Variants in PDE4B observed in about 807,000 individuals in gnomAD.
PDE4B encodes the protein phosphodiesterase 4B.
PDE4B carries 20 observed loss-of-function variants against 82.2 expected under a neutral mutation model. That is an observed-to-expected ratio of 0.24 (90% CI 0.17 to 0.35). The LOEUF is 0.35. Among genes scored for constraint, PDE4B ranks in the 10% least tolerant of loss-of-function variants. PDE4B has a pLI of 1.00. For missense variants in PDE4B, 655 were observed against 907.2 expected, an observed-to-expected ratio of 0.72 and a Z score of 3.57; for synonymous variants, 320 against 318.9, an observed-to-expected ratio of 1.00 and a Z score of -0.04.
At chr1:66,008,331 C>A (rs911002270) in intron 3 of PDE4B, among the ~76,000 whole-genome samples, 3 of 152,104 alleles carry the variant, frequency 2.0e-5, no homozygotes, top group Non-Finnish European at 4.4e-5. Context: ...CTCATTCATT[C>A]ATTCATTAGC....
At chr1:66,197,072 T>A (rs1050121753) in intron 3 of PDE4B, among the ~76,000 whole-genome samples, 2 of 152,108 alleles carry the variant, frequency 1.3e-5, no homozygotes, top group African/African-American at 4.8e-5. Context: ...TTTTGCTAAA[T>A]CAAATTTCAG....
chr1:66,018,604 G>C (rs892628073), intron 3 of PDE4B, among the ~76,000 whole-genome samples: 1 of 152,070 alleles, frequency 6.6e-6, no homozygotes, highest in Non-Finnish European at 1.5e-5. Flanking sequence ...CAAAATATCT[G>C]AGCACCTAGA....
chr1:66,013,606 A>T (rs1485744000), intron 3 of PDE4B, among the ~76,000 whole-genome samples: 1 of 152,102 alleles, frequency 6.6e-6, no homozygotes, highest in African/African-American at 2.4e-5. Context: ...TTTCAAAACT[A>T]AAAGTCTATA....
rs547920122 is a variant in PDE4B at position 65,952,958 on chromosome 1, A to G, written c.281+34123A>G. ...AGTCATCATCATTTCATAGCCCCCT[A>G]TCTGCAGTGGGTCTCAGAGACTAGC... On this transcript the variant is annotated intron_variant, in intron 3 of 16. Transcript: ENST00000341517. Among the ~76,000 whole-genome samples, 4 of 152,202 alleles carry G rather than the reference A, an allele frequency of 2.6e-5. No individual in the cohort carries two copies. In the South Asian group the frequency reaches 6.2e-4, roughly 24 times the overall value.
In PDE4B at chr1:66,365,775, AC is replaced by A; in HGVS notation, c.1384+11del. 6.7e-7 allele frequency: 1 copy of A among 1,490,274 alleles called. No homozygotes were observed. The allele number at this position is 1,490,274 out of a possible 1,614,324, so 92.3% of individuals were successfully genotyped here. The stretch of plus-strand genomic sequence containing the variant: ...GTTTCTCATCAACACAAGTGAGTTC[AC>A]CACTACAGCAGTCATTCCAGATAAT... On this transcript the variant is annotated intron_variant, in intron 13 of 16. Transcript: ENST00000341517.
intron 3 of PDE4B, among the ~76,000 whole-genome samples, chr1:66,152,920 A>ACATG (rs1329119757): frequency 2.0e-5 from 3 of 152,138 alleles, no homozygotes; most frequent in African/African-American, 7.2e-5. Context: ...AGGAGACCCC[A>ACATG]CATGCATTAT....
intron 7 of PDE4B, among the ~76,000 whole-genome samples, chr1:66,319,667 A>T (rs986671038): frequency 6.6e-6 from 1 of 152,244 alleles, no homozygotes; most frequent in African/African-American, 2.4e-5. Context: ...TGTAGTGACC[A>T]GAAGACATGA....
At chr1:66,157,979 T>C (rs1646534285) in intron 3 of PDE4B, among the ~76,000 whole-genome samples, 1 of 152,210 alleles carries the variant, frequency 6.6e-6, no homozygotes, top group Non-Finnish European at 1.5e-5. Context: ...TGGAGATACA[T>C]GATATTAGAG....
At chr1:66,009,402 A>G (rs899798085) in intron 3 of PDE4B, among the ~76,000 whole-genome samples, 1 of 152,042 alleles carries the variant, frequency 6.6e-6, no homozygotes, top group African/African-American at 2.4e-5. Flanking sequence ...TTTACAATTA[A>G]TTCCTCTTGT....
chr1:66,141,362 A>ATATATG (rs1646168760), intron 3 of PDE4B, among the ~76,000 whole-genome samples: 1 of 142,788 alleles, frequency 7.0e-6, no homozygotes, highest in African/African-American at 2.6e-5. Flanking sequence ...ATATATATAT[A>ATATATG]TATATGAAGA....
chr1:65,836,568 T>C (rs1646142378), intron 1 of PDE4B, among the ~76,000 whole-genome samples: 1 of 152,296 alleles, frequency 6.6e-6, no homozygotes, highest in South Asian at 2.1e-4. Flanking sequence ...GCTCTGGCCT[T>C]CTATGCTCAC....
At chr1:65,831,288 C>T (rs1183740850) in intron 1 of PDE4B, among the ~76,000 whole-genome samples, 2 of 152,016 alleles carry the variant, frequency 1.3e-5, no homozygotes, top group Non-Finnish European at 2.9e-5. Context: ...AATTGGTAAA[C>T]CTCTTGCAAG....
At chr1:66,271,750 G>GT (rs1210178202) in intron 7 of PDE4B, among the ~76,000 whole-genome samples, 5 of 152,222 alleles carry the variant, frequency 3.3e-5, no homozygotes, top group Middle Eastern at 3.4e-3. Context: ...ATGAAGGGAG[G>GT]TACCCCACTT....
chr1:65,815,952 C>T (rs17097214), intron 1 of PDE4B, among the ~76,000 whole-genome samples: 4,775 of 152,152 alleles, frequency 0.031, 194 homozygotes, highest in East Asian at 0.08. Context: ...CCATCCTAAG[C>T]TAACTGATCT....
intron 3 of PDE4B, among the ~76,000 whole-genome samples, chr1:65,964,881 A>C (rs1021686056): frequency 3.3e-5 from 5 of 151,224 alleles, no homozygotes; most frequent in Admixed American, 2.6e-4. Context: ...AAAATATAAT[A>C]ATTTAACAGT....
chr1:66,175,059 C>G (rs1027362667), intron 3 of PDE4B, among the ~76,000 whole-genome samples: 1 of 152,198 alleles, frequency 6.6e-6, no homozygotes, highest in Admixed American at 6.5e-5. Flanking sequence ...TCACCTCCCA[C>G]CTGGTCCCTC....
At chr1:66,118,966 T>A (rs749942757) in intron 3 of PDE4B, among the ~76,000 whole-genome samples, 1 of 152,194 alleles carries the variant, frequency 6.6e-6, no homozygotes, top group South Asian at 2.1e-4. Flanking sequence ...GCTAATGTCA[T>A]CTCTTTTAAC....
At chr1:65,832,814 T>A (rs1177977914) in intron 1 of PDE4B, among the ~76,000 whole-genome samples, 1 of 152,214 alleles carries the variant, frequency 6.6e-6, no homozygotes, top group Non-Finnish European at 1.5e-5. Context: ...TCATGTGGAA[T>A]TTTAAAAGAT....
chr1:66,212,278 A>G (rs1217920182), intron 3 of PDE4B, among the ~76,000 whole-genome samples: 1 of 152,172 alleles, frequency 6.6e-6, no homozygotes, highest in Non-Finnish European at 1.5e-5. Flanking sequence ...GTAAAGGCCC[A>G]ATGGGCCTGA....
Sources: allele counts gnomAD v4.1 joint callset (sites outside exome capture counted in the v4.1 genomes callset), GRCh38; gene constraint gnomAD v4.1.1; transcripts MANE v1.5; gene names NCBI Gene and HGNC (gene_info 2026-07-23, HGNC 2026-07-21).